CLASP2: variants seen among roughly 807,000 people sequenced by gnomAD.
CLASP2 encodes the protein CLIP-associating protein 2.
CLASP2 carries 47 observed loss-of-function variants against 194.4 expected under a neutral mutation model. The ratio of observed to expected loss-of-function variants is 0.24; its 90% CI spans 0.19 to 0.31. The LOEUF (loss-of-function observed/expected upper bound fraction) is 0.31, where lower values mean the gene tolerates loss of function less well. Ranked by LOEUF, CLASP2 falls within the 10% of genes least tolerant of loss-of-function variation. The pLI is 1.00. For synonymous variants in CLASP2, 619 were observed against 633.5 expected (o/e 0.98, Z 0.34); for missense variants, 1,445 against 1,823.6 (o/e 0.79, Z 3.78).
At chr3:33,713,609 C>T (rs2093142326) in intron 1 of CLASP2, among the ~76,000 whole-genome samples, 1 of 152,116 alleles carries the variant, frequency 6.6e-6, no homozygotes, top group Non-Finnish European at 1.5e-5. Context: ...ATTTTGAATT[C>T]TGAGAAAATA....
chr3:33,693,314 T>G (rs971537738), intron 2 of CLASP2, among the ~76,000 whole-genome samples: 39 of 152,150 alleles, frequency 2.6e-4, no homozygotes, highest in Admixed American at 2.6e-3. Flanking sequence ...TAAAAATACA[T>G]GTAATGATAA....
Position 33,607,439 on chromosome 3 carries a change from T to C in CLASP2, c.1471A>G (p.Thr491Ala). The part of the protein sequence containing the change: ...LERHAAVLVE[T>A]IKKGIHDADA... ...GCATCATGAATTCCCTTTTTAATAG[T>C]TTCAACCAAGACGGCTGCATGTCTA... is the stretch of plus-strand genomic sequence containing the variant. The change falls in exon 15 of 39, where the codon ACT (threonine) becomes GCT (alanine). Residue 491 changes from threonine to alanine, a missense_variant. By Grantham distance (58) the Thr-to-Ala change is moderately conservative (BLOSUM62 0). Transcript: ENST00000682230. 1.9e-6 allele frequency: 3 copies of C among 1,609,892 alleles called. No individual in the cohort carries two copies. Among genetic ancestry groups the C allele is most frequent in the Non-Finnish European group, 2.5e-6 (3 of 1,178,238 alleles).
chr3:33,588,031 T>C (rs915516641), intron 21 of CLASP2, among the ~76,000 whole-genome samples: 2 of 152,190 alleles, frequency 1.3e-5, no homozygotes, highest in African/African-American at 4.8e-5. Flanking sequence ...GTAACTTCTC[T>C]TTCTACTCTA....
At chr3:33,680,185 C>G (rs974285148) in intron 6 of CLASP2, among the ~76,000 whole-genome samples, 1 of 152,050 alleles carries the variant, frequency 6.6e-6, no homozygotes, top group Non-Finnish European at 1.5e-5. Context: ...TGAATGTTGC[C>G]AAGGATTAGG....
intron 1 of CLASP2, among the ~76,000 whole-genome samples, chr3:33,706,959 A>C (rs1262296453): frequency 2.0e-5 from 3 of 152,188 alleles, no homozygotes; most frequent in Non-Finnish European, 4.4e-5. Flanking sequence ...AGAGAGAGAG[A>C]GACCCTGTCT....
At chr3:33,672,226 G>A (rs890583801) in intron 6 of CLASP2, among the ~76,000 whole-genome samples, 10 of 152,154 alleles carry the variant, frequency 6.6e-5, no homozygotes, top group East Asian at 1.9e-4. Flanking sequence ...TCACATGGCC[G>A]GGGACTCCTC....
chr3:33,700,107 G>T (rs2092269044), intron 1 of CLASP2, among the ~76,000 whole-genome samples: 1 of 152,100 alleles, frequency 6.6e-6, no homozygotes, highest in Non-Finnish European at 1.5e-5. Flanking sequence ...AGAAATAACA[G>T]GAAATAGTTG....
intron 37 of CLASP2, among the ~76,000 whole-genome samples, 198 bp downstream of exon 37, chr3:33,510,360 C>A (rs1343292002): frequency 6.6e-6 from 1 of 152,072 alleles, no homozygotes; most frequent in Non-Finnish European, 1.5e-5. Context: ...AATTAAAAAT[C>A]GTTAATTTTA....
intron 1 of CLASP2, among the ~76,000 whole-genome samples, chr3:33,710,566 C>T (rs574408291): frequency 1.3e-5 from 2 of 152,154 alleles, no homozygotes; most frequent in East Asian, 1.9e-4. Context: ...GAGCAAGATC[C>T]TGTCTCCAAA....
At chr3:33,602,170 T>C (rs1201093445) in intron 18 of CLASP2, among the ~76,000 whole-genome samples, 1 of 152,070 alleles carries the variant, frequency 6.6e-6, no homozygotes. Flanking sequence ...TGAGCCACCA[T>C]GCCCGGCTAA....
At chr3:33,651,684 T>C (rs1575279667) in intron 7 of CLASP2, among the ~76,000 whole-genome samples, 1 of 137,490 alleles carries the variant, frequency 7.3e-6, no homozygotes, top group Admixed American at 8.0e-5. Context: ...TTTGAGACAG[T>C]GTTTTGCTGT....
At chr3:33,515,971 T>G in intron 36 of CLASP2, 52 bp downstream of exon 36, 1 of 1,534,190 alleles carries the variant, frequency 6.5e-7, no homozygotes, top group Non-Finnish European at 8.8e-7. Flanking sequence ...AATGGTTACA[T>G]GTTTCATGAA....
chr3:33,573,384 T>G lies in CLASP2; in HGVS notation c.2455-30A>C, dbSNP rs111789832. The G allele has an allele frequency of 3.2e-3, 5,184 of 1,606,668 alleles. 140 individuals are homozygous for G. In the African/African-American group the frequency reaches 0.061, roughly 19 times the overall value. ...TATACATCAAGAATCTCATTAGCAG[T>G]AGCCAAAAGAATATATTGGTATTTC... is the stretch of plus-strand genomic sequence containing the variant. On this transcript the variant is annotated intron_variant, in intron 24 of 38. Coordinates refer to ENST00000682230, the MANE Select transcript of CLASP2 (RefSeq NM_001365631.1).
intron 25 of CLASP2, among the ~76,000 whole-genome samples, chr3:33,571,014 A>ATTTTTTTTTTTTTTTTT (rs1276472825): frequency 7.8e-6 from 1 of 127,744 alleles, no homozygotes; most frequent in Non-Finnish European, 1.7e-5. Flanking sequence ...TGTCTCTATA[A>ATTTTTTTTTTTTTTTTT]ATTTTTTTTT....
At chr3:33,585,002 G>A (rs1345546553) in intron 21 of CLASP2, 82 bp from the exon 22 acceptor site, 1 of 1,235,622 alleles carries the variant, frequency 8.1e-7, no homozygotes, top group Non-Finnish European at 1.1e-6. Flanking sequence ...AAGAAATATT[G>A]ATAATACAGA....
chr3:33,648,025 T>A (rs1388858476), intron 7 of CLASP2, among the ~76,000 whole-genome samples: 1 of 144,144 alleles, frequency 6.9e-6, no homozygotes, highest in Non-Finnish European at 1.5e-5. Flanking sequence ...AGAGCGAGAT[T>A]CCGTCTGCAA....
At chr3:33,574,383 A>C (rs1576629023) in intron 24 of CLASP2, 2 of 785,100 alleles carry the variant, frequency 2.5e-6, no homozygotes. Context: ...TTCTACTTTG[A>C]TTTTTAATAG....
intron 1 of CLASP2, among the ~76,000 whole-genome samples, chr3:33,706,667 A>C (rs1249708478): frequency 6.6e-6 from 1 of 152,182 alleles, no homozygotes; most frequent in East Asian, 1.9e-4. Context: ...CTTTAAAATT[A>C]AAATAAAATC....
At chr3:33,609,412 T>C in intron 13 of CLASP2, among the ~76,000 whole-genome samples, 1 of 152,256 alleles carries the variant, frequency 6.6e-6, no homozygotes, top group Non-Finnish European at 1.5e-5. Flanking sequence ...CTTTCATCTT[T>C]ACACTGTTTC....
Sources: gnomAD v4.1 joint callset for allele counts (sites outside exome capture counted in the v4.1 genomes callset) on GRCh38, gnomAD v4.1.1 for gene constraint, MANE v1.5 for transcripts, NCBI Gene and HGNC (gene_info 2026-07-23, HGNC 2026-07-21) for gene names.